ZNF567: variants seen among roughly 807,000 people sequenced by gnomAD.
The protein encoded by ZNF567 is zinc finger protein 567.
In ZNF567, 36 loss-of-function variants were observed where a neutral mutation model predicts 53.9. The ratio of observed to expected loss-of-function variants is 0.67; its 90% CI spans 0.51 to 0.88. The LOEUF is 0.88. Ranked by LOEUF, ZNF567 falls within the 40% of genes least tolerant of loss-of-function variation. The pLI, the probability that ZNF567 is intolerant of heterozygous loss-of-function variation, is 0.00. For missense variants in ZNF567, 619 were observed against 764.7 expected, an observed-to-expected ratio of 0.81 and a Z score of 2.25; for synonymous variants, 224 against 260.4, an observed-to-expected ratio of 0.86 and a Z score of 1.35.
chr19:36,722,133 T>C (rs1278086840), downstream of ZNF567, among the ~76,000 whole-genome samples: 2 of 152,094 alleles, frequency 1.3e-5, no homozygotes, highest in East Asian at 3.9e-4. Context: ...TGTTTGAGAA[T>C]TGGAAATCTG....
chr19:36,668,489 G>A, the ZNF567 span: 1 of 152,376 alleles, frequency 6.6e-6, no homozygotes, highest in African/African-American at 2.4e-5. Flanking sequence ...TAGAGGACTA[G>A]TGTGACTGTG....
the ZNF567 span, among the ~76,000 whole-genome samples, chr19:36,670,231 G>A: frequency 6.6e-6 from 1 of 152,014 alleles, no homozygotes. Flanking sequence ...GCATTCTGTG[G>A]TTGTATCCCC....
upstream of ZNF567, among the ~76,000 whole-genome samples, chr19:36,683,261 G>C (rs139567616): frequency 0.01 from 1,563 of 151,712 alleles, 32 homozygotes; most frequent in African/African-American, 0.035. Flanking sequence ...TAGTAGATAC[G>C]GGGTTTCACC....
rs374899379 is a variant in ZNF567 at position 36,706,669 on chromosome 19, G to GTTTT, written c.10-5709_10-5706dup. Among the ~76,000 whole-genome samples, 24 of 108,960 alleles carry GTTTT rather than the reference G, an allele frequency of 2.2e-4. 4 individuals are homozygous for GTTTT. The highest frequency in any genetic ancestry group is 1.9e-4 in the African/African-American group (5 of 25,796). 71.5% of individuals were successfully genotyped at this position (108,960 alleles called of 152,430 possible). A position where few individuals can be genotyped will look rare whatever the true frequency, so the allele number is the denominator to read the frequency against. ...CTGATTTCCATCCTTTTTACTGTTG[G>GTTTT]TTTTTTTTTTTGTTTTTTTTTTGAG... is the stretch of plus-strand genomic sequence containing the variant. On this transcript the variant is annotated intron_variant, in intron 3 of 5. Transcript: ENST00000682579.
At chr19:36,702,055 C>A (rs1379198672) in intron 3 of ZNF567, among the ~76,000 whole-genome samples, 5 of 152,044 alleles carry the variant, frequency 3.3e-5, no homozygotes, top group Admixed American at 6.6e-5. Context: ...TTTGCAGCGG[C>A]TGGTACTGGT....
At chr19:36,678,359 G>A in the ZNF567 span, among the ~76,000 whole-genome samples, 264 of 152,166 alleles carry the variant, frequency 1.7e-3, no homozygotes, top group Non-Finnish European at 3.0e-3. Context: ...GCCTTATAGA[G>A]TTTCTAATTA....
chr19:36,677,690 C>G, the ZNF567 span, among the ~76,000 whole-genome samples: 3 of 149,094 alleles, frequency 2.0e-5, no homozygotes, highest in Non-Finnish European at 4.5e-5. Flanking sequence ...TCGCTTGAAC[C>G]CAGGAGGTGG....
In ZNF567 at chr19:36,719,708, G is replaced by C. The variant is rs772782634; in HGVS notation, c.984G>C (p.Gln328His). 6.2e-7 allele frequency: 1 copy of C among 1,614,182 alleles called. No homozygotes were observed. The highest frequency in any genetic ancestry group is 8.5e-7 in the Non-Finnish European group (1 of 1,180,032). The stretch of plus-strand genomic sequence containing the variant: ...TCAAGACAGCCCTCACTGATCATCA[G>C]AGAACACACACAGGGGAGAAATCGT... ...FRLKTALTDH[Q>H]RTHTGEKSYE... Residue 328 changes from glutamine to histidine, a missense_variant, in exon 6 of 6, where the codon CAG (glutamine) becomes CAC (histidine). By Grantham distance (24) the Gln-to-His change is conservative (BLOSUM62 0). Coordinates refer to ENST00000682579, the MANE Select transcript of ZNF567 (RefSeq NM_001322917.1).
intron 2 of ZNF567, among the ~76,000 whole-genome samples, chr19:36,692,513 C>T (rs2038669257): frequency 6.6e-6 from 1 of 152,114 alleles, no homozygotes; most frequent in Non-Finnish European, 1.5e-5. Flanking sequence ...GCTGGGACTA[C>T]AGGTACACGC....
intron 3 of ZNF567, among the ~76,000 whole-genome samples, chr19:36,710,211 C>T (rs938092459): frequency 1.3e-5 from 2 of 150,160 alleles, no homozygotes; most frequent in African/African-American, 4.9e-5. Flanking sequence ...GTGCTCCTAT[C>T]GAGCTTCTCT....
At chr19:36,711,900 T>G (rs1482570446) in intron 3 of ZNF567, 1 of 152,566 alleles carries the variant, frequency 6.6e-6, no homozygotes, top group African/African-American at 2.4e-5. Context: ...AAAAACTAAC[T>G]GATGGATATT....
In ZNF567 at chr19:36,719,481, C is replaced by G. The variant is rs2040214553; in HGVS notation, c.757C>G (p.His253Asp). ...AAGAGCAACCAATATTGAAAAAAAA[C>G]ATACATGCAATGAATGTGGGAAATC... is the stretch of plus-strand genomic sequence containing the variant. ...KRRATNIEKK[H>D]TCNECGKSFC... The change falls in exon 6 of 6, where the codon CAT becomes GAT. Residue 253 changes from histidine to aspartate, a missense_variant. His to Asp is a moderately conservative substitution (Grantham distance 81). Coordinates refer to ENST00000682579, the MANE Select transcript of ZNF567 (RefSeq NM_001322917.1). 1 of 1,610,870 alleles carries G rather than the reference C, an allele frequency of 6.2e-7. No homozygotes were observed. The highest frequency in any genetic ancestry group is 8.5e-7 in the Non-Finnish European group (1 of 1,179,198).
upstream of ZNF567, chr19:36,685,797 CTTA>C (rs1194345768): frequency 6.6e-6 from 1 of 152,096 alleles, no homozygotes; most frequent in Non-Finnish European, 1.5e-5. Context: ...AAACAATTAG[CTTA>C]TTATTTGGGG....
intron 3 of ZNF567, among the ~76,000 whole-genome samples, chr19:36,706,747 C>T (rs748348215): frequency 6.9e-6 from 1 of 144,966 alleles, no homozygotes; most frequent in Non-Finnish European, 1.5e-5. Flanking sequence ...AATCAACCTC[C>T]CAGGATCCAG....
intron 5 of ZNF567, among the ~76,000 whole-genome samples, chr19:36,714,892 T>C (rs1485552504): frequency 3.3e-5 from 5 of 152,226 alleles, no homozygotes; most frequent in Non-Finnish European, 5.9e-5. Context: ...AAATAAATGT[T>C]TATTGTTTCA....
chr19:36,721,744 CTTTTT>C (rs5827963), downstream of ZNF567, among the ~76,000 whole-genome samples: 6 of 101,516 alleles, frequency 5.9e-5, no homozygotes, highest in East Asian at 1.3e-3. Context: ...TTTTTTTTTT[CTTTTT>C]TTTTTTTTTT....
At chr19:36,713,417 A>C (rs1416823060) in intron 5 of ZNF567, among the ~76,000 whole-genome samples, 2 of 150,520 alleles carry the variant, frequency 1.3e-5, no homozygotes, top group Non-Finnish European at 1.5e-5. Context: ...TGATTGCACC[A>C]CTCCAACCTG....
the ZNF567 span, chr19:36,669,413 T>C: frequency 6.6e-6 from 1 of 152,200 alleles, no homozygotes; most frequent in Non-Finnish European, 1.5e-5. Context: ...TGCGAAGTTA[T>C]ATGAATGTAG....
At chr19:36,723,298 T>C (rs2040319687), downstream of ZNF567, 3 of 699,684 alleles carry the variant, frequency 4.3e-6, no homozygotes. Context: ...TGATTTTGCA[T>C]TTCCAGACAT....
Sources: gnomAD v4.1 joint callset for allele counts (sites outside exome capture counted in the v4.1 genomes callset) on GRCh38, gnomAD v4.1.1 for gene constraint, MANE v1.5 for transcripts, NCBI Gene and HGNC (gene_info 2026-07-23, HGNC 2026-07-21) for gene names.